The following GAK variants were observed in gnomAD, a reference collection of about 807,000 sequenced individuals.
GAK encodes the protein cyclin G associated kinase, also known as cyclin-G-associated kinase.
GAK carries 79 observed loss-of-function variants against 143.9 expected under a neutral mutation model. The ratio of observed to expected loss-of-function variants is 0.55; its 90% confidence interval spans 0.46 to 0.66. GAK has a LOEUF of 0.66. Among genes scored for constraint, GAK ranks in the 30% least tolerant of loss-of-function variants. The pLI is 0.00. For synonymous variants in GAK, 881 were observed against 765.5 expected (o/e 1.15, Z -2.49); for missense variants, 1,693 against 1,779.7 (o/e 0.95, Z 0.88).
At chr4:866,091 G>GA (rs1174914230) in intron 22 of GAK, among the ~76,000 whole-genome samples, 1 of 152,278 alleles carries the variant, frequency 6.6e-6, no homozygotes, top group African/African-American at 2.4e-5. Context: ...GAGGCCTGGA[G>GA]AAACACCTGT....
In GAK at chr4:857,407, G is replaced by A. The variant is rs187872683; in HGVS notation, c.3283+2199C>T. 1.6e-4 allele frequency among the ~76,000 whole-genome samples: 24 copies of A among 152,236 alleles called. No individual in the cohort carries two copies. In the East Asian group the frequency reaches 2.1e-3, roughly 13 times the overall value. ...GAATTGGCATTCTCTTTCAACATTCGGTGAAATTCTCCAGTGGCCCAGGTG... is the reference window on the plus strand; with the variant it reads ...GAATTGGCATTCTCTTTCAACATTCAGTGAAATTCTCCAGTGGCCCAGGTG... On this transcript the variant is annotated intron_variant, in intron 24 of 27. Coordinates refer to ENST00000314167, the MANE Select transcript of GAK (RefSeq NM_005255.4).
chr4:923,320 G>A (rs892006428), intron 1 of GAK, among the ~76,000 whole-genome samples: 14 of 152,084 alleles, frequency 9.2e-5, no homozygotes, highest in Non-Finnish European at 1.3e-4. Context: ...ATGGCATGTC[G>A]GGTACCTCCA....
At chr4:885,733 G>A (rs538128462) in intron 11 of GAK, 1 of 151,962 alleles carries the variant, frequency 6.6e-6, no homozygotes, top group Non-Finnish European at 1.5e-5. Context: ...CCGTGGGGGA[G>A]AGCCAGAAGC....
At chr4:903,580 T>TG (rs1386405875) in intron 5 of GAK, among the ~76,000 whole-genome samples, 1 of 128,680 alleles carries the variant, frequency 7.8e-6, no homozygotes, top group Non-Finnish European at 1.7e-5. Context: ...CCAACACCAC[T>TG]GGGGGGCTGA....
At chr4:876,125 G>A (rs1311812119) in intron 18 of GAK, among the ~76,000 whole-genome samples, 1 of 152,234 alleles carries the variant, frequency 6.6e-6, no homozygotes, top group Non-Finnish European at 1.5e-5. Flanking sequence ...CCGTGGCTGC[G>A]CTTGTTTACA....
At chr4:866,681 C>A in intron 21 of GAK, 147 bp from the exon 22 acceptor site, 4 of 865,960 alleles carry the variant, frequency 4.6e-6, no homozygotes, top group Non-Finnish European at 7.0e-6. Context: ...CTGAGGCAGT[C>A]AGCCCAGGGG....
At position 929,508 on chromosome 4, in the gene GAK, T is replaced by C. The variant is rs77538134; in HGVS notation, c.145+2535A>G. 9.7e-4 allele frequency among the ~76,000 whole-genome samples: 148 copies of C among 152,256 alleles called. 3 individuals carry two copies. In the East Asian group the frequency reaches 0.027, roughly 28 times the overall value. ...AAACAAAGAACACACAGCATACACC[T>C]GCCCTGGGCATCTCTGACATGGTTG... On this transcript the variant is annotated intron_variant, in intron 1 of 27. Transcript: ENST00000314167.
chr4:919,466 C>T (rs1233541385), intron 1 of GAK, among the ~76,000 whole-genome samples: 1 of 152,256 alleles, frequency 6.6e-6, no homozygotes, highest in Non-Finnish European at 1.5e-5. Flanking sequence ...TCCTCCTCTC[C>T]AGCCGCACCC....
chr4:902,363 C>T (rs535614690), intron 5 of GAK, among the ~76,000 whole-genome samples: 1 of 151,834 alleles, frequency 6.6e-6, no homozygotes, highest in African/African-American at 2.4e-5. Context: ...CGACCCCTTT[C>T]AGAGGCTGAG....
intron 24 of GAK, among the ~76,000 whole-genome samples, chr4:859,019 C>T (rs991815623): frequency 1.7e-4 from 26 of 152,334 alleles, no homozygotes; most frequent in African/African-American, 4.6e-4. Flanking sequence ...CCCCCGCCGC[C>T]GACGCTTCTT....
intron 5 of GAK, 94 bp from the exon 6 acceptor site, chr4:898,252 T>C: frequency 6.9e-7 from 1 of 1,449,950 alleles, no homozygotes; most frequent in Non-Finnish European, 9.5e-7. Flanking sequence ...GCCAGGGCCC[T>C]TCGCAGACAG....
At chr4:903,842 T>C (rs1253305764) in intron 5 of GAK, among the ~76,000 whole-genome samples, 2 of 152,092 alleles carry the variant, frequency 1.3e-5, no homozygotes, top group African/African-American at 2.4e-5. Context: ...GACCTGGTAT[T>C]CCAGACGGAA....
In GAK at chr4:881,995, A is replaced by G. The variant is rs1217989803; in HGVS notation, c.1573T>C (p.Phe525Leu). The G allele has an allele frequency of 5.6e-6, 9 of 1,607,000 alleles. No individual in the cohort carries two copies. Among genetic ancestry groups the G allele is most frequent in the South Asian group, 1.1e-5 (1 of 89,940 alleles). Residue 525 changes from phenylalanine (F) to leucine (L), a missense_variant, in exon 15 of 28, where the codon TTC becomes CTC. By Grantham distance (22) the Phe-to-Leu change is conservative (BLOSUM62 0). Around this residue, in one of 2 missense-constraint regions of GAK, gnomAD observed 871 missense variants for 991.0 expected, o/e 0.88. Coordinates refer to ENST00000314167, the MANE Select transcript of GAK (RefSeq NM_005255.4). ...TCCGCGGTGCTGAAGAGACGGCAGAAGCACAGGAAGGAGCAGACGGCCACA... is the reference window on the plus strand; with the variant it reads ...TCCGCGGTGCTGAAGAGACGGCAGAGGCACAGGAAGGAGCAGACGGCCACA... ...SAVAVCSFLC[F>L]CRLFSTAEAA...
At position 877,630 on chromosome 4, in the gene GAK, T is replaced by G. The variant is rs1452665234; in HGVS notation, c.1841A>C (p.Glu614Ala). ...GDERVASTSQEYDKMRDFKIE... is the reference protein window; with the variant it reads ...GDERVASTSQAYDKMRDFKIE... ...CTGCACTCACCGCATCTTGTCGTAC[T>G]CCTGGGAGGTGCTGGCCACACGCTC... Residue 614 changes from glutamate (E) to alanine (A), a missense_variant, in exon 16 of 28, where the codon GAG becomes GCG. By Grantham distance (107) the Glu-to-Ala change is moderately radical. Around this residue, in one of 2 missense-constraint regions of GAK, gnomAD observed 871 missense variants for 991.0 expected, o/e 0.88. Coordinates refer to ENST00000314167, the MANE Select transcript of GAK (RefSeq NM_005255.4). 6 of 1,591,000 alleles carry G rather than the reference T, an allele frequency of 3.8e-6. No homozygotes were observed. The highest frequency in any genetic ancestry group is 1.7e-4 in the Middle Eastern group (1 of 5,970).
At chr4:855,912 G>A (rs989093731) in intron 24 of GAK, among the ~76,000 whole-genome samples, 2 of 152,174 alleles carry the variant, frequency 1.3e-5, no homozygotes, top group Non-Finnish European at 2.9e-5. Flanking sequence ...CCAAGATTAT[G>A]CCACTGCACT....
Position 888,974 on chromosome 4 carries a change from C to T in GAK, c.1082-4G>A, listed in dbSNP as rs1717105521. 3.7e-6 allele frequency: 6 copies of T among 1,609,358 alleles called. No homozygotes were observed. The highest frequency in any genetic ancestry group is 3.3e-4 in the Middle Eastern group (2 of 6,012). ...TCGTACTCCGCCAGCGCCAGGCCTG[C>T]AGGGAGACACAGTCTCAGCAGGCCC... On this transcript the variant is annotated splice_polypyrimidine_tract_variant and splice_region_variant and intron_variant, in intron 10 of 27. Transcript: ENST00000314167.
intron 5 of GAK, among the ~76,000 whole-genome samples, chr4:902,357 C>T (rs1042112605): frequency 1.3e-5 from 2 of 151,906 alleles, no homozygotes; most frequent in Non-Finnish European, 2.9e-5. Context: ...TGGAATCGAC[C>T]CCTTTCAGAG....
At chr4:883,555 C>T in intron 12 of GAK, 92 bp from the exon 13 acceptor site, 2 of 1,442,726 alleles carry the variant, frequency 1.4e-6, no homozygotes, top group South Asian at 1.2e-5. Context: ...CGCCCCCGGG[C>T]AAGCGCAGCC....
chr4:881,811 G>A (rs1197120747), intron 15 of GAK, 96 bp downstream of exon 15: 17 of 1,378,156 alleles, frequency 1.2e-5, no homozygotes, highest in Middle Eastern at 2.6e-4. Context: ...CGCCTGCAGC[G>A]GCACCGACTG....
Sources: allele counts gnomAD v4.1 joint callset (sites outside exome capture counted in the v4.1 genomes callset), GRCh38; gene constraint gnomAD v4.1.1; regional missense constraint gnomAD v4.1.1; transcripts MANE v1.5; gene names NCBI Gene and HGNC (gene_info 2026-07-23, HGNC 2026-07-21).